Variants in PHF21B observed in about 807,000 individuals in gnomAD.
The protein encoded by PHF21B is PHD finger protein 4.
Under a neutral mutation model 62.2 loss-of-function variants are expected in PHF21B, and 22 were observed. The ratio of observed to expected loss-of-function variants is 0.35; its 90% CI spans 0.25 to 0.51. The LOEUF (loss-of-function observed/expected upper bound fraction) is 0.51. Among genes scored for constraint, PHF21B ranks in the 20% least tolerant of loss-of-function variants. The pLI, the probability that PHF21B is intolerant of heterozygous loss-of-function variation, is 0.97. For missense variants in PHF21B, 701 were observed against 707.9 expected (o/e 0.99, Z 0.11); for synonymous variants, 341 against 314.7 (o/e 1.08, Z -0.88).
At chr22:44,935,948 C>T (rs562950995) in intron 2 of PHF21B, among the ~76,000 whole-genome samples, 126 of 152,308 alleles carry the variant, frequency 8.3e-4, no homozygotes, top group African/African-American at 2.9e-3. Flanking sequence ...GGCGCCACGC[C>T]GTGCTGCCCA....
At chr22:44,944,362 G>A (rs1344509523) in intron 2 of PHF21B, among the ~76,000 whole-genome samples, 1 of 152,222 alleles carries the variant, frequency 6.6e-6, no homozygotes. Flanking sequence ...CCTGTGCTGG[G>A]AGGGGCACTA....
chr22:44,956,760 T>C (rs1054290578), intron 2 of PHF21B, among the ~76,000 whole-genome samples: 1 of 152,052 alleles, frequency 6.6e-6, no homozygotes, highest in Non-Finnish European at 1.5e-5. Context: ...GTGCTTTCTG[T>C]TTCTGGAATC....
intron 2 of PHF21B, 183 bp downstream of exon 2, chr22:45,008,362 C>T (rs2073364477): frequency 1.9e-6 from 1 of 514,358 alleles, no homozygotes; most frequent in Non-Finnish European, 3.1e-6. Context: ...CTCCCTGCCG[C>T]CTCCGAGAAC....
chr22:44,950,503 G>C (rs548305129), intron 2 of PHF21B, among the ~76,000 whole-genome samples: 1 of 152,276 alleles, frequency 6.6e-6, no homozygotes, highest in East Asian at 1.9e-4. Context: ...GACACTAAGA[G>C]TGACGCTCTC....
rs12627763 is a variant in PHF21B at position 44,965,175 on chromosome 22, C to T, written c.120+43370G>A. ...GCTTTGCTGGACCATCCCCCTGTGC[C>T]ACCTGTCCAGGGCAGCTGCCAGGCC... On this transcript the variant is annotated intron_variant, in intron 2 of 12. Transcript: ENST00000313237. 1.9e-4 allele frequency among the ~76,000 whole-genome samples: 29 copies of T among 152,240 alleles called. No individual in the cohort carries two copies. In the East Asian group the frequency reaches 5.6e-3, roughly 29 times the overall value.
intron 2 of PHF21B, among the ~76,000 whole-genome samples, chr22:44,984,188 TCATCACCAC>T (rs2072902040): frequency 6.5e-5 from 1 of 15,466 alleles, no homozygotes; most frequent in African/African-American, 2.3e-4. Flanking sequence ...ACAACCACCA[TCATCACCAC>T]CACTACCACC....
At chr22:44,920,296 C>G (rs1489561227) in intron 3 of PHF21B, 102 bp downstream of exon 3, 2 of 840,052 alleles carry the variant, frequency 2.4e-6, no homozygotes, top group African/African-American at 3.5e-5. Context: ...CGAGTTCCGC[C>G]TGGCCCAGTG....
chr22:44,959,657 T>A (rs1185206422), intron 2 of PHF21B, among the ~76,000 whole-genome samples: 5 of 152,178 alleles, frequency 3.3e-5, no homozygotes, highest in Non-Finnish European at 7.3e-5. Flanking sequence ...AGAGGATGTC[T>A]GAGCTGGGCA....
chr22:44,934,539 C>G (rs537344962), intron 2 of PHF21B, among the ~76,000 whole-genome samples: 64 of 152,260 alleles, frequency 4.2e-4, no homozygotes, highest in African/African-American at 1.5e-3. Context: ...CCTGCCAGGG[C>G]GTCAGGTCCA....
intron 5 of PHF21B, among the ~76,000 whole-genome samples, chr22:44,901,221 G>T (rs1025504452): frequency 6.6e-6 from 1 of 152,194 alleles, no homozygotes; most frequent in Non-Finnish European, 1.5e-5. Flanking sequence ...TAACTGGACA[G>T]TGGCAGGGAC....
chr22:44,912,472 T>G (rs544812347), intron 5 of PHF21B, among the ~76,000 whole-genome samples: 1 of 152,164 alleles, frequency 6.6e-6, no homozygotes, highest in Non-Finnish European at 1.5e-5. Flanking sequence ...GTTCTCGTGA[T>G]AGTGAATAGG....
chr22:44,917,183 G>C (rs2071453058), intron 3 of PHF21B, among the ~76,000 whole-genome samples: 1 of 152,254 alleles, frequency 6.6e-6, no homozygotes, highest in Non-Finnish European at 1.5e-5. Flanking sequence ...CAGCCGGGCA[G>C]CCACTGGGTG....
At position 44,920,476 on chromosome 22, in the gene PHF21B, G is replaced by A. The variant is rs768196506; in HGVS notation, c.135C>T (p.Ile45=). The change falls in exon 3 of 13, where the codon ATC becomes ATT. Residue 45 remains isoleucine, a synonymous_variant. Coordinates refer to ENST00000313237, the MANE Select transcript of PHF21B (RefSeq NM_138415.5). ...ALSDKQALGT[I]TAVPVTGPQV... ...GAGGACCCGTGACAGGCACTGCAGT[G>A]ATCGTTCCCAAAGCCTGAAACATAC... 6 of 1,611,214 alleles carry A rather than the reference G, an allele frequency of 3.7e-6. 1 individual carries two copies. The South Asian group carries it at 4.4e-5, about 12-fold the overall frequency.
chr22:44,936,548 G>C (rs532271752), intron 2 of PHF21B, among the ~76,000 whole-genome samples: 2 of 152,314 alleles, frequency 1.3e-5, no homozygotes, highest in East Asian at 3.9e-4. Context: ...GTGAGCCCTT[G>C]CAAGTGGCTA....
chr22:44,926,808 G>A (rs758673721), intron 2 of PHF21B, among the ~76,000 whole-genome samples: 5 of 152,136 alleles, frequency 3.3e-5, no homozygotes, highest in Non-Finnish European at 7.3e-5. Flanking sequence ...GTGAGCCGGG[G>A]GTGGCCGTGT....
At position 44,896,090 on chromosome 22, in the gene PHF21B, G is replaced by A. The variant is rs770179404; in HGVS notation, c.832-7C>T. The A allele has an allele frequency of 1.9e-6, 3 of 1,614,018 alleles. No homozygotes were observed. In the African/African-American group the frequency reaches 4.0e-5, roughly 22 times the overall value. ...CTACCATGAAGGCGATTTTCTGAGGGAAGGAACAGACAAAGGAGCATTAAC... is the reference window on the plus strand; with the variant it reads ...CTACCATGAAGGCGATTTTCTGAGGAAAGGAACAGACAAAGGAGCATTAAC... On this transcript the variant is annotated splice_region_variant and splice_polypyrimidine_tract_variant and intron_variant, in intron 5 of 12. Transcript: ENST00000313237.
chr22:44,932,407 A>G (rs144320976), intron 2 of PHF21B, among the ~76,000 whole-genome samples: 2,775 of 152,286 alleles, frequency 0.018, 43 homozygotes, highest in Non-Finnish European at 0.03. Context: ...TGAACCCCCA[A>G]CCTGGGCCCT....
At chr22:44,974,761 G>T (rs2072705737) in intron 2 of PHF21B, among the ~76,000 whole-genome samples, 1 of 152,184 alleles carries the variant, frequency 6.6e-6, no homozygotes, top group Non-Finnish European at 1.5e-5. Context: ...TCAAATCAGA[G>T]CGCTGAGCGT....
In PHF21B at chr22:44,912,878, CAA is replaced by C. The variant is rs3087031; in HGVS notation, c.831+942_831+943del. 1.8e-3 allele frequency among the ~76,000 whole-genome samples: 81 copies of C among 45,600 alleles called. 1 individual carries two copies. In the East Asian group the frequency reaches 0.041, roughly 23 times the overall value. 29.9% of individuals were successfully genotyped at this position (45,600 alleles called of 152,430 possible). A position where few individuals can be genotyped will look rare whatever the true frequency, so the allele number is the denominator to read the frequency against. On this transcript the variant is annotated intron_variant, in intron 5 of 12. Transcript: ENST00000313237. ...TGGCTCAAAGAGTCAGACTCTATCT[CAA>C]AAAAAAAAAAAAAAAAAGACAAAAA...
Sources: gnomAD v4.1 joint callset for allele counts (sites outside exome capture counted in the v4.1 genomes callset) on GRCh38, gnomAD v4.1.1 for gene constraint, MANE v1.5 for transcripts, NCBI Gene and HGNC (gene_info 2026-07-23, HGNC 2026-07-21) for gene names.